ZFR2: variants seen among roughly 807,000 people sequenced by gnomAD.
ZFR2 encodes zinc finger RNA-binding protein 2.
Under a neutral mutation model 105.7 loss-of-function variants are expected in ZFR2, and 104 were observed. The observed-to-expected ratio is 0.98, with a 90% CI of 0.84 to 1.16. The LOEUF is 1.16. ZFR2 is among the 50% of genes most tolerant of loss of function. ZFR2 has a pLI of 0.00. For synonymous variants in ZFR2, 634 were observed against 597.7 expected (o/e 1.06, Z -0.89); for missense variants, 1,425 against 1,355.5 (o/e 1.05, Z -0.80).
intron 1 of ZFR2, among the ~76,000 whole-genome samples, chr19:3,835,716 G>T (rs962633139): frequency 1.3e-5 from 2 of 151,600 alleles, no homozygotes; most frequent in African/African-American, 4.8e-5. Flanking sequence ...AGGCCAAGGC[G>T]GGAGGATTGC....
At chr19:3,810,483 A>C (rs2037750146) in intron 16 of ZFR2, among the ~76,000 whole-genome samples, 1 of 152,098 alleles carries the variant, frequency 6.6e-6, no homozygotes, top group Non-Finnish European at 1.5e-5. Context: ...GGTGCCACGA[A>C]GTCGGGCAGA....
At chr19:3,809,979 CTT>C (rs968025214) in intron 16 of ZFR2, among the ~76,000 whole-genome samples, 4 of 152,210 alleles carry the variant, frequency 2.6e-5, no homozygotes, top group African/African-American at 9.6e-5. Context: ...AAAAAAGAGA[CTT>C]AATCTCTACC....
intron 3 of ZFR2, among the ~76,000 whole-genome samples, 153 bp from the exon 4 acceptor site, chr19:3,832,031 G>A (rs575683757): frequency 1.3e-5 from 2 of 152,134 alleles, no homozygotes; most frequent in African/African-American, 2.4e-5. Context: ...GCAGCGACTC[G>A]CAGGTTACCT....
chr19:3,808,424 C>G (rs1220483878), intron 17 of ZFR2, among the ~76,000 whole-genome samples: 1 of 152,268 alleles, frequency 6.6e-6, no homozygotes, highest in Admixed American at 6.5e-5. Context: ...TGTCCTGGCG[C>G]GTTCTCTTCC....
chr19:3,853,414 T>C (rs1425931155), intron 1 of ZFR2, among the ~76,000 whole-genome samples: 1 of 152,020 alleles, frequency 6.6e-6, no homozygotes, highest in African/African-American at 2.4e-5. Context: ...AGACCCCGGG[T>C]TGAGAATCCC....
intron 1 of ZFR2, among the ~76,000 whole-genome samples, chr19:3,863,498 G>C (rs1390936929): frequency 1.3e-5 from 2 of 152,144 alleles, no homozygotes; most frequent in African/African-American, 4.8e-5. Flanking sequence ...TGCGATCATA[G>C]CTCAATGTAG....
At chr19:3,832,470 C>T (rs111780292) in intron 3 of ZFR2, among the ~76,000 whole-genome samples, 16 of 151,674 alleles carry the variant, frequency 1.1e-4, no homozygotes, top group African/African-American at 1.7e-4. Flanking sequence ...TACAAGCATG[C>T]GCCACCCTGC....
Position 3,823,227 on chromosome 19 carries a change from C to G in ZFR2, c.1371+19G>C, listed in dbSNP as rs763001632. ...TCCTTCCCTGACCGGGGCACCAGGACTTGACAGCCTCGACTTACCTCCTCC... is the reference window on the plus strand; with the variant it reads ...TCCTTCCCTGACCGGGGCACCAGGAGTTGACAGCCTCGACTTACCTCCTCC... On this transcript the variant is annotated intron_variant, in intron 8 of 18. Coordinates refer to ENST00000262961, the MANE Select transcript of ZFR2 (RefSeq NM_015174.2). This position sits in a 1 kb window ranked among gnomAD's most constrained non-coding sequence, Gnocchi z 5.4. The G allele has an allele frequency of 1.9e-6, 3 of 1,613,842 alleles. No individual in the cohort carries two copies. Among genetic ancestry groups the G allele is most frequent in the South Asian group, 1.1e-5 (1 of 91,088 alleles).
intron 1 of ZFR2, among the ~76,000 whole-genome samples, chr19:3,865,760 CT>C (rs2038420331): frequency 6.6e-6 from 1 of 152,168 alleles, no homozygotes; most frequent in African/African-American, 2.4e-5. Flanking sequence ...GTAAATACTG[CT>C]GTCCAAATGC....
intron 9 of ZFR2, among the ~76,000 whole-genome samples, 196 bp from the exon 10 acceptor site, chr19:3,821,675 G>A (rs2037895469): frequency 7.2e-6 from 1 of 139,470 alleles, no homozygotes; most frequent in Non-Finnish European, 1.5e-5. Flanking sequence ...GTGCAATGGT[G>A]TGACCTCGGC....
rs555417737 is a variant in ZFR2, at chr19:3,808,099, G to A, written c.2545+773C>T. 3.0e-4 allele frequency among the ~76,000 whole-genome samples: 44 copies of A among 148,104 alleles called. No individual in the cohort carries two copies. The South Asian group carries it at 9.4e-3, about 32-fold the overall frequency. On this transcript the variant is annotated intron_variant, in intron 17 of 18. Coordinates refer to ENST00000262961, the MANE Select transcript of ZFR2 (RefSeq NM_015174.2). The stretch of plus-strand genomic sequence containing the variant: ...TGTGCAAGTACATCCATGTGTGCCT[G>A]TATGTGTGCTCATATCCATATGTGT...
intron 1 of ZFR2, among the ~76,000 whole-genome samples, chr19:3,843,063 T>C (rs1185568358): frequency 1.3e-5 from 2 of 151,426 alleles, no homozygotes; most frequent in African/African-American, 4.9e-5. Context: ...ATTCCACTCC[T>C]AGGTTCCTAC....
In ZFR2 at chr19:3,813,813, G is replaced by A; in HGVS notation, c.2242+7C>T. On this transcript the variant is annotated splice_region_variant and intron_variant, in intron 14 of 18. Coordinates refer to ENST00000262961, the MANE Select transcript of ZFR2 (RefSeq NM_015174.2). This position sits in a 1 kb window ranked among gnomAD's most constrained non-coding sequence, Gnocchi z 4.4. ...GACAGTGGTTGGAAGGAAGGGCTGG[G>A]CCGCACCTGGGTCTGTGGAGGGGTC... 6.2e-7 allele frequency: 1 copy of A among 1,613,594 alleles called. No individual in the cohort carries two copies. Among genetic ancestry groups the A allele is most frequent in the South Asian group, 1.1e-5 (1 of 91,078 alleles).
intron 13 of ZFR2, 36 bp downstream of exon 13, chr19:3,816,638 C>T (rs371067961): frequency 1.2e-4 from 191 of 1,574,638 alleles, no homozygotes; most frequent in Non-Finnish European, 1.6e-4. Context: ...GGCAGCCAGA[C>T]GCCAGAAGCA....
intron 1 of ZFR2, chr19:3,852,335 TG>T: frequency 3.2e-6 from 2 of 631,594 alleles, no homozygotes; most frequent in South Asian, 3.8e-5. Flanking sequence ...GGGCCTCAGC[TG>T]GGTGGCTCTC....
In ZFR2 at chr19:3,806,019, C is replaced by T. The variant is rs768433518; in HGVS notation, c.2750G>A (p.Gly917Glu). 87 of 1,546,930 alleles carry T rather than the reference C, an allele frequency of 5.6e-5. No homozygotes were observed. The Middle Eastern group carries it at 1.0e-3, about 18-fold the overall frequency. Reference protein sequence around the residue: ...LGARFRKRQRGPGEGEEGAGE... With the variant: ...LGARFRKRQREPGEGEEGAGE... ...TGCGCCCTCCTCTCCCTCGCCAGGT[C>T]CCCGTTGCCTCTTCCGGAAGCGGGC... Residue 917 changes from glycine (G) to glutamate (E), a missense_variant, in exon 19 of 19, where the codon GGA (glycine) becomes GAA (glutamate). Gly to Glu is a moderately conservative substitution (Grantham distance 98). Coordinates refer to ENST00000262961, the MANE Select transcript of ZFR2 (RefSeq NM_015174.2).
In ZFR2 at chr19:3,827,569, G is replaced by A. The variant is rs550306399; in HGVS notation, c.937C>T (p.Arg313Cys). Residue 313 changes from arginine (R) to cysteine (C), a missense_variant, in exon 6 of 19, where the codon CGC (arginine) becomes TGC (cysteine). By Grantham distance (180) the Arg-to-Cys change is radical. Transcript: ENST00000262961. Reference sequence around the variant, plus strand: ...CAATGCAGCTGCGCCTGCACCCCGCGCGGGCTCCCGTTGGGCTGCACGCCT... The same window carrying A: ...CAATGCAGCTGCGCCTGCACCCCGCACGGGCTCCCGTTGGGCTGCACGCCT... Reference protein sequence around the residue: ...KTGVQPNGSPRGVQAQLHCDL... With the variant: ...KTGVQPNGSPCGVQAQLHCDL... 1.5e-5 allele frequency: 24 copies of A among 1,568,648 alleles called. No individual in the cohort carries two copies. In the African/African-American group the frequency reaches 1.9e-4, roughly 12 times the overall value.
In ZFR2 at chr19:3,819,205, G is replaced by A. The variant is rs756520052; in HGVS notation, c.1771C>T (p.Arg591Trp). 23 of 1,568,350 alleles carry A rather than the reference G, an allele frequency of 1.5e-5. No individual in the cohort carries two copies. In the African/African-American group the frequency reaches 1.9e-4, roughly 13 times the overall value. Residue 591 changes from arginine to tryptophan, a missense_variant, in exon 12 of 19, where the codon CGG becomes TGG. Coordinates refer to ENST00000262961, the MANE Select transcript of ZFR2 (RefSeq NM_015174.2). The part of the protein sequence containing the change: ...PGRRPASSDD[R>W]HVMCKHATIY... ...GTGGCGTGCTTGCACATGACGTGCC[G>A]GTCGTCGCTGGACGCCGGCCGCCGC...
At chr19:3,847,728 A>G (rs992837838) in intron 1 of ZFR2, among the ~76,000 whole-genome samples, 8 of 152,204 alleles carry the variant, frequency 5.3e-5, no homozygotes, top group Admixed American at 4.6e-4. Flanking sequence ...CGTTGTTTCC[A>G]ATCTTTCGCC....
Sources: gnomAD v4.1 joint callset for allele counts (sites outside exome capture counted in the v4.1 genomes callset) on GRCh38, gnomAD v4.1.1 for gene constraint, Gnocchi (gnomAD v3.1) non-coding constraint, MANE v1.5 for transcripts, NCBI Gene and HGNC (gene_info 2026-07-23, HGNC 2026-07-21) for gene names.